The following CREB3L2 variants were observed in gnomAD, a reference collection of about 807,000 sequenced individuals.
CREB3L2 encodes cAMP responsive element binding protein 3 like 2.
In CREB3L2, 23 loss-of-function variants were observed where a neutral mutation model predicts 57.2. The ratio of observed to expected loss-of-function variants is 0.40; its 90% CI spans 0.29 to 0.57. The LOEUF is 0.57. Ranked by LOEUF, CREB3L2 falls within the 20% of genes least tolerant of loss-of-function variation. CREB3L2 has a pLI of 0.42. For synonymous variants in CREB3L2, 268 were observed against 265.1 expected (o/e 1.01, Z -0.11); for missense variants, 628 against 634.7 (o/e 0.99, Z 0.11).
chr7:137,891,063 T>A lies in CREB3L2; in HGVS notation c.1044-5561A>T, dbSNP rs117078202. 4.0e-3 allele frequency among the ~76,000 whole-genome samples: 610 copies of A among 152,350 alleles called. 1 individual carries two copies. The highest frequency in any genetic ancestry group is 7.1e-3 in the Non-Finnish European group (485 of 68,036). ...TTTAGAGAAAGGAATACTCTTAGCA[T>A]ACGTTTATCTGGGCCAACAGATTTT... On this transcript the variant is annotated intron_variant, in intron 8 of 11. Coordinates refer to ENST00000330387, the MANE Select transcript of CREB3L2 (RefSeq NM_194071.4).
intron 8 of CREB3L2, among the ~76,000 whole-genome samples, chr7:137,898,755 A>AG (rs71177926): frequency 1 from 152,279 of 152,282 alleles, 76,138 homozygotes; most frequent in Middle Eastern, 1. Flanking sequence ...AACTAAGACC[A>AG]GGAAGACTCT....
intron 2 of CREB3L2, among the ~76,000 whole-genome samples, chr7:137,922,390 A>ATATATATATATATATATATATATACG (rs1800314988): frequency 5.5e-5 from 1 of 18,292 alleles, no homozygotes; most frequent in African/African-American, 2.6e-4. Context: ...ATATGTATAT[A>ATATATATATATATATATATATATACG]TATATATATA....
chr7:137,900,687 C>T (rs963510573), intron 8 of CREB3L2, among the ~76,000 whole-genome samples: 3 of 151,630 alleles, frequency 2.0e-5, no homozygotes, highest in Non-Finnish European at 4.4e-5. Context: ...GCCTGTAGTC[C>T]CAGCTGCTCA....
At chr7:137,900,850 T>C (rs757339069) in intron 8 of CREB3L2, among the ~76,000 whole-genome samples, 1 of 152,090 alleles carries the variant, frequency 6.6e-6, no homozygotes, top group Non-Finnish European at 1.5e-5. Context: ...TTTTTTAAAC[T>C]AATAAGTATC....
In CREB3L2 at chr7:137,964,157, A is replaced by G. The variant is rs547169402; in HGVS notation, c.103-35791T>C. ...ATGGTGAAACCCTGTCTCTACTAAA[A>G]ATACAAAAATTAGCCAGGCGTGGTG... On this transcript the variant is annotated intron_variant, in intron 1 of 11. Coordinates refer to ENST00000330387, the MANE Select transcript of CREB3L2 (RefSeq NM_194071.4). 2.6e-5 allele frequency among the ~76,000 whole-genome samples: 4 copies of G among 152,302 alleles called. No individual in the cohort carries two copies. The South Asian group carries it at 8.3e-4, about 32-fold the overall frequency.
At chr7:137,989,745 T>C (rs777252951) in intron 1 of CREB3L2, among the ~76,000 whole-genome samples, 8 of 152,138 alleles carry the variant, frequency 5.3e-5, no homozygotes, top group Non-Finnish European at 1.2e-4. Context: ...TGCCTGAAAG[T>C]GAACTCATTA....
At position 137,877,924 on chromosome 7, in the gene CREB3L2, C is replaced by T. The variant is rs975644168; in HGVS notation, c.*2552G>A. ...GTCCTCTTGACCCCATTTTGTCCTC[C>T]TAAAGGGACAACTGTTAGTTCCTTT... On this transcript the variant is annotated 3_prime_UTR_variant, in exon 12 of 12. Transcript: ENST00000330387. 3 of 227,886 alleles carry T rather than the reference C, an allele frequency of 1.3e-5. No individual in the cohort carries two copies. Among genetic ancestry groups the T allele is most frequent in the Non-Finnish European group, 2.6e-5 (3 of 114,856 alleles). 14.1% of individuals were successfully genotyped at this position (227,886 alleles called of 1,614,324 possible). A position where few individuals can be genotyped will look rare whatever the true frequency, so the allele number is the denominator to read the frequency against.
intron 1 of CREB3L2, among the ~76,000 whole-genome samples, chr7:137,968,741 G>C (rs1367161606): frequency 1.3e-5 from 2 of 152,086 alleles, no homozygotes; most frequent in Non-Finnish European, 2.9e-5. Flanking sequence ...AGCTGGATCA[G>C]TCCCCAGTAT....
chr7:137,962,556 T>C (rs771568216), intron 1 of CREB3L2, among the ~76,000 whole-genome samples: 2 of 151,930 alleles, frequency 1.3e-5, no homozygotes, highest in African/African-American at 2.4e-5. Flanking sequence ...TCTGGGCTGA[T>C]TGCACCTTCA....
intron 4 of CREB3L2, 172 bp downstream of exon 4, chr7:137,912,819 C>T: frequency 6.6e-7 from 1 of 1,514,376 alleles, no homozygotes; most frequent in Non-Finnish European, 8.9e-7. Flanking sequence ...AGTTAGCTTG[C>T]AAAATTTTTA....
chr7:137,922,420 A>AAG, intron 2 of CREB3L2, among the ~76,000 whole-genome samples: 1 of 42,686 alleles, frequency 2.3e-5, no homozygotes, highest in African/African-American at 1.7e-4. Context: ...ATATATGTAT[A>AAG]TATATATATA....
At position 137,981,879 on chromosome 7, in the gene CREB3L2, G is replaced by A. The variant is rs1274872049; in HGVS notation, c.102+19725C>T. 7.2e-5 allele frequency among the ~76,000 whole-genome samples: 11 copies of A among 152,228 alleles called. No individual in the cohort carries two copies. The East Asian group carries it at 1.3e-3, about 19-fold the overall frequency. ...AGAAGTCAACAAAGGGTTAGGTTTC[G>A]AGTACAGAGGCACAGGGCAGCTTTT... On this transcript the variant is annotated intron_variant, in intron 1 of 11. Coordinates refer to ENST00000330387, the MANE Select transcript of CREB3L2 (RefSeq NM_194071.4).
intron 1 of CREB3L2, among the ~76,000 whole-genome samples, chr7:137,976,807 G>C (rs960847532): frequency 6.6e-6 from 1 of 152,218 alleles, no homozygotes; most frequent in African/African-American, 2.4e-5. Context: ...TGCAACCAAA[G>C]GGATAGGGGA....
intron 2 of CREB3L2, chr7:137,922,507 C>A (rs1249618404): frequency 9.7e-4 from 232 of 238,092 alleles, no homozygotes; most frequent in East Asian, 5.3e-3. Flanking sequence ...CACACACACA[C>A]AATATATATA....
At chr7:137,912,692 T>C in intron 4 of CREB3L2, 1 of 689,242 alleles carries the variant, frequency 1.5e-6, no homozygotes, top group Non-Finnish European at 2.4e-6. Context: ...GTTCTCTTGT[T>C]CGATAGTGTT....
chr7:137,901,750 G>A (rs191156971), intron 7 of CREB3L2, among the ~76,000 whole-genome samples: 3,145 of 151,172 alleles, frequency 0.021, 98 homozygotes, highest in African/African-American at 0.073. Context: ...GTGGTGGCAC[G>A]TGCCTGTAAT....
chr7:137,955,403 C>T, intron 1 of CREB3L2: 1 of 825,862 alleles, frequency 1.2e-6, no homozygotes, highest in Non-Finnish European at 1.8e-6. Flanking sequence ...GCACGGCCAC[C>T]TCACTCCTCT....
intron 8 of CREB3L2, among the ~76,000 whole-genome samples, chr7:137,894,153 C>G (rs1197530571): frequency 6.6e-6 from 1 of 152,172 alleles, no homozygotes; most frequent in Non-Finnish European, 1.5e-5. Flanking sequence ...GTAACCTGGA[C>G]AGATGAGGTA....
intron 1 of CREB3L2, among the ~76,000 whole-genome samples, chr7:137,976,454 G>A (rs930645229): frequency 2.1e-5 from 3 of 144,904 alleles, no homozygotes; most frequent in Non-Finnish European, 3.0e-5. Flanking sequence ...AAGTGGTTAT[G>A]TTTGTTTTTT....
Sources: gnomAD v4.1 joint callset for allele counts (sites outside exome capture counted in the v4.1 genomes callset) on GRCh38, gnomAD v4.1.1 for gene constraint, MANE v1.5 for transcripts, NCBI Gene and HGNC (gene_info 2026-07-23, HGNC 2026-07-21) for gene names.